MAGI2: variants seen among roughly 807,000 people sequenced by gnomAD.
MAGI2 encodes the protein membrane associated guanylate kinase, WW and PDZ domain containing 2.
MAGI2 carries 35 observed loss-of-function variants against 133.3 expected under a neutral mutation model. The ratio of observed to expected loss-of-function variants is 0.26; its 90% CI spans 0.20 to 0.35. The LOEUF is 0.35. Among genes scored for constraint, MAGI2 ranks in the 10% least tolerant of loss-of-function variants. The pLI is 1.00. For missense variants in MAGI2, 1,636 were observed against 1,863.4 expected, an observed-to-expected ratio of 0.88 and a Z score of 2.25; for synonymous variants, 729 against 710.6, an observed-to-expected ratio of 1.03 and a Z score of -0.41.
At chr7:78,467,519 G>A (rs1168698634) in intron 6 of MAGI2, among the ~76,000 whole-genome samples, 1 of 151,934 alleles carries the variant, frequency 6.6e-6, no homozygotes, top group East Asian at 1.9e-4. Context: ...GAAATTAAAA[G>A]AGATCTAGAA....
chr7:78,620,792 T>G (rs949637760), intron 3 of MAGI2, among the ~76,000 whole-genome samples: 1 of 151,986 alleles, frequency 6.6e-6, no homozygotes, highest in African/African-American at 2.4e-5. Flanking sequence ...AACTCTAGGA[T>G]CAATGACCTT....
chr7:78,424,248 G>A (rs766483116), intron 6 of MAGI2, among the ~76,000 whole-genome samples: 13 of 152,202 alleles, frequency 8.5e-5, no homozygotes, highest in Non-Finnish European at 8.8e-5. Context: ...TCAGAGGATG[G>A]AAGCCCCAAA....
chr7:78,547,866 T>C (rs1032473295), intron 3 of MAGI2, among the ~76,000 whole-genome samples: 49 of 152,228 alleles, frequency 3.2e-4, no homozygotes, highest in African/African-American at 1.2e-3. Context: ...AGTGAACTGA[T>C]GTTATCCAAT....
At chr7:78,779,872 T>G (rs1467995043) in intron 2 of MAGI2, among the ~76,000 whole-genome samples, 1 of 152,206 alleles carries the variant, frequency 6.6e-6, no homozygotes, top group Non-Finnish European at 1.5e-5. Flanking sequence ...GAAGAATTTT[T>G]GGGTCAGAAA....
Position 78,761,468 on chromosome 7 carries a change from T to A in MAGI2, c.419-134229A>T, listed in dbSNP as rs1214268931. ...CTTGTTAAAATATGTAGATTCTGATTTTTTTTTTTTTTTTTGAGACAGAGT... is the reference window on the plus strand; with the variant it reads ...CTTGTTAAAATATGTAGATTCTGATATTTTTTTTTTTTTTTGAGACAGAGT... On this transcript the variant is annotated intron_variant, in intron 2 of 21. Coordinates refer to ENST00000354212, the MANE Select transcript of MAGI2 (RefSeq NM_012301.4). Among the ~76,000 whole-genome samples, 7 of 145,640 alleles carry A rather than the reference T, an allele frequency of 4.8e-5. No homozygotes were observed. The East Asian group carries it at 1.2e-3, about 25-fold the overall frequency.
intron 15 of MAGI2, among the ~76,000 whole-genome samples, chr7:78,162,729 C>T (rs978799167): frequency 6.6e-6 from 1 of 152,046 alleles, no homozygotes; most frequent in Non-Finnish European, 1.5e-5. Flanking sequence ...ACTTCCAGAA[C>T]AAAGTTCTTT....
chr7:79,044,982 G>T (rs1174927418), intron 1 of MAGI2, among the ~76,000 whole-genome samples: 1 of 152,172 alleles, frequency 6.6e-6, no homozygotes, highest in Non-Finnish European at 1.5e-5. Context: ...ACTCTTACTT[G>T]AATGTTCTTA....
chr7:78,573,284 T>TATAAA (rs1563188890), intron 3 of MAGI2, among the ~76,000 whole-genome samples: 2 of 26,874 alleles, frequency 7.4e-5, no homozygotes, highest in African/African-American at 4.4e-4. Context: ...ATATATATAT[T>TATAAA]TATATAAATA....
chr7:78,934,608 A>T (rs1800381773), intron 2 of MAGI2, among the ~76,000 whole-genome samples: 1 of 152,154 alleles, frequency 6.6e-6, no homozygotes, highest in Non-Finnish European at 1.5e-5. Context: ...TTCATGCAGA[A>T]AATTATTAAA....
intron 11 of MAGI2, among the ~76,000 whole-genome samples, chr7:78,195,621 T>C (rs1829991): frequency 0.92 from 140,806 of 152,240 alleles, 65,256 homozygotes; most frequent in Non-Finnish European, 0.96. Flanking sequence ...TTCAAAGTCT[T>C]CTAGGAAGCC....
intron 2 of MAGI2, among the ~76,000 whole-genome samples, chr7:78,925,535 A>G (rs919023505): frequency 2.0e-5 from 3 of 152,028 alleles, no homozygotes; most frequent in Admixed American, 6.6e-5. Flanking sequence ...GGACTCCTGT[A>G]TGGTCAAAAC....
intron 2 of MAGI2, among the ~76,000 whole-genome samples, chr7:78,727,977 T>C (rs999325753): frequency 2.0e-5 from 3 of 151,924 alleles, no homozygotes. Flanking sequence ...TAAGAAGAAA[T>C]AGAGAACAGG....
chr7:78,034,525 A>C (rs953547505), intron 21 of MAGI2, among the ~76,000 whole-genome samples: 2 of 151,934 alleles, frequency 1.3e-5, no homozygotes, highest in Admixed American at 1.3e-4. Flanking sequence ...ATCTCAGTTT[A>C]TTTTATTTTA....
At chr7:79,132,403 T>C (rs1450860518) in intron 1 of MAGI2, among the ~76,000 whole-genome samples, 1 of 152,122 alleles carries the variant, frequency 6.6e-6, no homozygotes, top group African/African-American at 2.4e-5. Flanking sequence ...TAGTTTTTGG[T>C]TTTCCTGTAC....
chr7:78,070,170 CACACATATATATAT>C (rs1363003462), intron 21 of MAGI2, among the ~76,000 whole-genome samples: 69 of 86,944 alleles, frequency 7.9e-4, no homozygotes, highest in Non-Finnish European at 1.2e-3. Flanking sequence ...TATACACACA[CACACATATATATAT>C]ATATATATAT....
chr7:78,383,137 T>C (rs916326258), intron 6 of MAGI2, among the ~76,000 whole-genome samples: 4 of 152,126 alleles, frequency 2.6e-5, no homozygotes, highest in Admixed American at 6.6e-5. Flanking sequence ...AATAGTGGGA[T>C]TGCTGAATTA....
chr7:78,971,660 C>A (rs1803795679), intron 2 of MAGI2, among the ~76,000 whole-genome samples: 1 of 151,974 alleles, frequency 6.6e-6, no homozygotes, highest in African/African-American at 2.4e-5. Context: ...TCAGGTCATA[C>A]ATTGGATGTA....
chr7:79,020,070 G>C (rs1809140939), intron 1 of MAGI2, among the ~76,000 whole-genome samples: 1 of 152,174 alleles, frequency 6.6e-6, no homozygotes, highest in Non-Finnish European at 1.5e-5. Context: ...CCAAAATACT[G>C]ATAGTGATAT....
intron 1 of MAGI2, among the ~76,000 whole-genome samples, chr7:79,269,689 C>A (rs1834735788): frequency 6.6e-6 from 1 of 152,124 alleles, no homozygotes. Flanking sequence ...ACATAGTTGA[C>A]CCCATCTTGC....
Sources: allele counts gnomAD v4.1 joint callset (sites outside exome capture counted in the v4.1 genomes callset), GRCh38; gene constraint gnomAD v4.1.1; transcripts MANE v1.5; gene names NCBI Gene and HGNC (gene_info 2026-07-23, HGNC 2026-07-21).